The following CADM2 variants were observed in gnomAD, a reference collection of about 807,000 sequenced individuals.
CADM2 encodes cell adhesion molecule 2.
CADM2 carries 12 observed loss-of-function variants against 49.8 expected under a neutral mutation model. That is an observed-to-expected ratio of 0.24 (90% confidence interval 0.15 to 0.39). CADM2 has a LOEUF of 0.39. Ranked by LOEUF, CADM2 falls within the 10% of genes least tolerant of loss-of-function variation. The pLI, the probability that CADM2 is intolerant of heterozygous loss-of-function variation, is 1.00. For missense variants in CADM2, 378 were observed against 492.3 expected (o/e 0.77, Z 2.20); for synonymous variants, 214 against 175.4 (o/e 1.22, Z -1.74).
At chr3:85,800,161 T>A (rs1378917292) in intron 2 of CADM2, 1 of 152,232 alleles carries the variant, frequency 6.6e-6, no homozygotes, top group African/African-American at 2.4e-5. Context: ...TAGTCTGAAC[T>A]TCCTGGAGGC....
intron 1 of CADM2, among the ~76,000 whole-genome samples, chr3:85,301,417 A>G (rs1047932228): frequency 6.6e-6 from 1 of 151,998 alleles, no homozygotes; most frequent in South Asian, 2.1e-4. Flanking sequence ...ATAAATAGAA[A>G]GTTTTCAAGT....
chr3:85,561,523 A>G (rs1247166363), intron 1 of CADM2, among the ~76,000 whole-genome samples: 1 of 152,218 alleles, frequency 6.6e-6, no homozygotes, highest in African/African-American at 2.4e-5. Flanking sequence ...AATTAAATCC[A>G]GAGGAGATAT....
intron 1 of CADM2, among the ~76,000 whole-genome samples, chr3:85,303,691 G>A (rs991960358): frequency 1.1e-4 from 16 of 151,892 alleles, no homozygotes; most frequent in African/African-American, 3.6e-4. Flanking sequence ...CCTATATAAT[G>A]TCAAACCCAA....
intron 1 of CADM2, among the ~76,000 whole-genome samples, chr3:85,383,924 T>C (rs73845475): frequency 0.019 from 2,907 of 152,260 alleles, 88 homozygotes; most frequent in African/African-American, 0.066. Context: ...TTTCTAAGTA[T>C]TTTTCTTTTA....
chr3:85,614,618 A>T (rs984725903), intron 1 of CADM2, among the ~76,000 whole-genome samples: 9 of 151,850 alleles, frequency 5.9e-5, no homozygotes, highest in African/African-American at 1.7e-4. Flanking sequence ...CGTTAATTTT[A>T]GTGGCTACTA....
chr3:85,426,371 ACC>A (rs1216492479), intron 1 of CADM2, among the ~76,000 whole-genome samples: 1 of 151,932 alleles, frequency 6.6e-6, no homozygotes, highest in Non-Finnish European at 1.5e-5. Context: ...GGCTCAAGAG[ACC>A]CTACTGCCTC....
chr3:85,618,694 A>G (rs1486186059), intron 1 of CADM2, among the ~76,000 whole-genome samples: 1 of 152,056 alleles, frequency 6.6e-6, no homozygotes, highest in Non-Finnish European at 1.5e-5. Context: ...TTATACTATT[A>G]AGTACACAGA....
intron 1 of CADM2, among the ~76,000 whole-genome samples, chr3:85,616,919 C>G (rs1017201742): frequency 6.6e-6 from 1 of 152,072 alleles, no homozygotes; most frequent in Admixed American, 6.6e-5. Context: ...GAAACAAAGT[C>G]TAGGTACATT....
At chr3:85,313,268 T>C (rs931809162) in intron 1 of CADM2, among the ~76,000 whole-genome samples, 2 of 152,330 alleles carry the variant, frequency 1.3e-5, no homozygotes, top group African/African-American at 4.8e-5. Context: ...GATGCACATG[T>C]AAGTCATAGA....
intron 1 of CADM2, among the ~76,000 whole-genome samples, chr3:85,319,156 A>G (rs996294183): frequency 1.3e-5 from 2 of 152,340 alleles, no homozygotes; most frequent in African/African-American, 2.4e-5. Flanking sequence ...TAATAAATCA[A>G]TGCTAACTGT....
At chr3:85,611,153 C>A (rs185664473) in intron 1 of CADM2, among the ~76,000 whole-genome samples, 1 of 151,882 alleles carries the variant, frequency 6.6e-6, no homozygotes, top group Admixed American at 6.6e-5. Context: ...ATGCACAATG[C>A]TTTTCAACAT....
intron 8 of CADM2, among the ~76,000 whole-genome samples, chr3:85,967,385 C>T (rs1422530963): frequency 6.6e-6 from 1 of 151,546 alleles, no homozygotes; most frequent in African/African-American, 2.4e-5. Context: ...AATATAAATT[C>T]ATTTCCTTTA....
chr3:85,415,068 C>T (rs1398374908), intron 1 of CADM2, among the ~76,000 whole-genome samples: 1 of 152,138 alleles, frequency 6.6e-6, no homozygotes, highest in Non-Finnish European at 1.5e-5. Context: ...TCTAAAGAAG[C>T]TTATTCTAAA....
At chr3:85,156,753 G>C (rs1026029777) in intron 1 of CADM2, among the ~76,000 whole-genome samples, 13 of 152,144 alleles carry the variant, frequency 8.5e-5, no homozygotes, top group African/African-American at 2.9e-4. Flanking sequence ...GCAAAAACTG[G>C]AAGCATTCCT....
At chr3:85,625,887 C>T (rs1043258107) in intron 1 of CADM2, among the ~76,000 whole-genome samples, 25 of 151,938 alleles carry the variant, frequency 1.6e-4, no homozygotes, top group African/African-American at 6.0e-4. Flanking sequence ...TAAAACACTA[C>T]AAACTGAGCG....
intron 1 of CADM2, among the ~76,000 whole-genome samples, chr3:85,526,393 C>T (rs1345399941): frequency 1.3e-5 from 2 of 152,072 alleles, no homozygotes; most frequent in African/African-American, 2.4e-5. Flanking sequence ...ATCAAATATA[C>T]ACACACACAG....
intron 1 of CADM2, among the ~76,000 whole-genome samples, chr3:85,579,841 A>C (rs1483474412): frequency 6.6e-6 from 1 of 152,094 alleles, no homozygotes; most frequent in Non-Finnish European, 1.5e-5. Context: ...ATTTATATGT[A>C]TACATATGTA....
intron 1 of CADM2, among the ~76,000 whole-genome samples, chr3:85,366,122 G>A (rs1044125120): frequency 4.6e-5 from 7 of 152,208 alleles, no homozygotes. Context: ...CATCTGGAAT[G>A]TGCAGATGTA....
At chr3:85,379,577 G>A (rs923457434) in intron 1 of CADM2, among the ~76,000 whole-genome samples, 5 of 151,782 alleles carry the variant, frequency 3.3e-5, no homozygotes, top group Admixed American at 3.3e-4. Flanking sequence ...TTGCTTTAAT[G>A]ATATCAGCTG....
Sources: allele counts gnomAD v4.1 joint callset (sites outside exome capture counted in the v4.1 genomes callset), GRCh38; gene constraint gnomAD v4.1.1; transcripts MANE v1.5; gene names NCBI Gene and HGNC (gene_info 2026-07-23, HGNC 2026-07-21).